The following PTPRT variants were observed in gnomAD, a reference collection of about 807,000 sequenced individuals.
PTPRT encodes receptor-type tyrosine-protein phosphatase T.
Under a neutral mutation model 176.8 loss-of-function variants are expected in PTPRT, and 56 were observed. The observed-to-expected ratio is 0.32, with a 90% CI of 0.26 to 0.40. The LOEUF (loss-of-function observed/expected upper bound fraction) is 0.40, where lower values mean the gene tolerates loss of function less well. PTPRT is among the 10% of genes least tolerant of loss of function. PTPRT has a pLI of 1.00. For missense variants in PTPRT, 1,540 were observed against 1,908.2 expected (o/e 0.81, Z 3.60); for synonymous variants, 783 against 739.0 (o/e 1.06, Z -0.96).
intron 3 of PTPRT, among the ~76,000 whole-genome samples, chr20:42,780,865 T>C (rs971178496): frequency 1.3e-5 from 2 of 152,118 alleles, no homozygotes; most frequent in Non-Finnish European, 2.9e-5. Flanking sequence ...AACTGCTATT[T>C]CCATAAAAAT....
chr20:42,438,262 A>G (rs77353996), intron 9 of PTPRT, among the ~76,000 whole-genome samples: 34 of 152,320 alleles, frequency 2.2e-4, no homozygotes, highest in East Asian at 1.2e-3. Flanking sequence ...ATAGGATTCA[A>G]TTTAACCGGG....
At chr20:42,494,055 A>G (rs1469922686) in intron 7 of PTPRT, among the ~76,000 whole-genome samples, 5 of 152,240 alleles carry the variant, frequency 3.3e-5, no homozygotes, top group African/African-American at 1.2e-4. Flanking sequence ...AAATATGAAG[A>G]TAGGGGCTTT....
intron 7 of PTPRT, among the ~76,000 whole-genome samples, chr20:42,655,361 C>T (rs2075106409): frequency 6.6e-6 from 1 of 152,070 alleles, no homozygotes; most frequent in Non-Finnish European, 1.5e-5. Flanking sequence ...CATGGTAGTG[C>T]ACCCCTGTAA....
chr20:42,270,146 G>T (rs542988279), intron 13 of PTPRT, among the ~76,000 whole-genome samples: 110 of 152,156 alleles, frequency 7.2e-4, no homozygotes, highest in African/African-American at 2.6e-3. Context: ...AACAGTGCCT[G>T]GCACCCAGTA....
intron 7 of PTPRT, among the ~76,000 whole-genome samples, chr20:42,562,003 G>A (rs138930223): frequency 1.1e-3 from 170 of 152,194 alleles, no homozygotes; most frequent in African/African-American, 3.9e-3. Flanking sequence ...GTTGAAATCA[G>A]GCAGCCTTGG....
chr20:42,865,939 C>T (rs1258720106), intron 2 of PTPRT, among the ~76,000 whole-genome samples: 1 of 152,130 alleles, frequency 6.6e-6, no homozygotes, highest in Non-Finnish European at 1.5e-5. Context: ...GAGTTCTGCT[C>T]TCTCCCCTCT....
At chr20:42,170,277 A>G (rs1990022036) in intron 16 of PTPRT, among the ~76,000 whole-genome samples, 1 of 152,208 alleles carries the variant, frequency 6.6e-6, no homozygotes, top group African/African-American at 2.4e-5. Flanking sequence ...TAATACATTA[A>G]CTTGCTGCTT....
chr20:42,987,719 T>C (rs191756500), intron 1 of PTPRT, among the ~76,000 whole-genome samples: 7 of 147,946 alleles, frequency 4.7e-5, no homozygotes, highest in Non-Finnish European at 1.5e-5. Context: ...CTCCAAGCCA[T>C]CATCCCTGAC....
chr20:42,353,706 T>A (rs1245301216), intron 9 of PTPRT, among the ~76,000 whole-genome samples: 3 of 152,224 alleles, frequency 2.0e-5, no homozygotes, highest in Non-Finnish European at 4.4e-5. Flanking sequence ...AGTTGTGAAG[T>A]GGCAAACACA....
chr20:42,911,607 C>T (rs537631334), intron 1 of PTPRT, among the ~76,000 whole-genome samples: 18 of 152,220 alleles, frequency 1.2e-4, no homozygotes, highest in South Asian at 4.1e-4. Flanking sequence ...AATCTATGCA[C>T]ATGAATCTGT....
Position 42,537,084 on chromosome 20 carries a change from G to A in PTPRT, c.1154-64522C>T, listed in dbSNP as rs190319885. On this transcript the variant is annotated intron_variant, in intron 7 of 30. Transcript: ENST00000373187. ...AAATTTCTCTAAGAAGTAGAGACAA[G>A]TGGAAAAAAAAAACCCTAAGTTTTA... 3.3e-3 allele frequency among the ~76,000 whole-genome samples: 499 copies of A among 151,582 alleles called. 1 individual carries two copies. Among genetic ancestry groups the A allele is most frequent in the African/African-American group, 0.012 (484 of 41,378 alleles).
intron 16 of PTPRT, among the ~76,000 whole-genome samples, chr20:42,169,435 T>A (rs1989979123): frequency 6.6e-6 from 1 of 152,044 alleles, no homozygotes; most frequent in Non-Finnish European, 1.5e-5. Context: ...ATGGGGGCTA[T>A]AAACATCCAT....
chr20:42,434,822 AAGCATG>A (rs1486278165), intron 9 of PTPRT, among the ~76,000 whole-genome samples: 3 of 151,030 alleles, frequency 2.0e-5, no homozygotes, highest in Non-Finnish European at 4.4e-5. Flanking sequence ...AAAAATAGCC[AAGCATG>A]GTGGCATGTG....
intron 16 of PTPRT, among the ~76,000 whole-genome samples, chr20:42,162,087 G>A (rs1224497041): frequency 3.3e-5 from 5 of 151,976 alleles, no homozygotes; most frequent in Admixed American, 6.6e-5. Flanking sequence ...GGCTAGTCTT[G>A]GACTGCCAGA....
chr20:42,072,471 A>C (rs75424049), downstream of PTPRT, among the ~76,000 whole-genome samples: 1,066 of 152,332 alleles, frequency 7.0e-3, 15 homozygotes, highest in African/African-American at 0.024. Flanking sequence ...CTGTATGTTT[A>C]ACAAAGTTCC....
At chr20:42,852,077 T>C (rs1018352740) in intron 2 of PTPRT, among the ~76,000 whole-genome samples, 2 of 152,226 alleles carry the variant, frequency 1.3e-5, no homozygotes, top group African/African-American at 4.8e-5. Context: ...TAAGTTATTT[T>C]ATAACTCTCT....
In PTPRT at chr20:42,591,646, C is replaced by T. The variant is rs541683893; in HGVS notation, c.1153+86220G>A. Among the ~76,000 whole-genome samples the T allele has an allele frequency of 3.3e-5, 5 of 152,270 alleles. No homozygotes were observed. The South Asian group carries it at 8.3e-4, about 25-fold the overall frequency. On this transcript the variant is annotated intron_variant, in intron 7 of 30. Coordinates refer to ENST00000373187, the MANE Select transcript of PTPRT (RefSeq NM_007050.6). ...CACCACTTTCAAGGTAATACATTGA[C>T]GCAGTGATCAAGACTGCCAGGCAAG... is the stretch of plus-strand genomic sequence containing the variant.
At chr20:42,511,499 C>T (rs2145456346) in intron 7 of PTPRT, among the ~76,000 whole-genome samples, 1 of 150,614 alleles carries the variant, frequency 6.6e-6, no homozygotes, top group East Asian at 2.0e-4. Context: ...TAGTACTCAT[C>T]GTTTGTGGAC....
chr20:42,607,048 T>G (rs1555161), intron 7 of PTPRT, among the ~76,000 whole-genome samples: 1 of 152,104 alleles, frequency 6.6e-6, no homozygotes, highest in Admixed American at 6.5e-5. Context: ...CACATGCTAC[T>G]ACATAGATTA....
Sources: gnomAD v4.1 joint callset for allele counts (sites outside exome capture counted in the v4.1 genomes callset) on GRCh38, gnomAD v4.1.1 for gene constraint, MANE v1.5 for transcripts, NCBI Gene and HGNC (gene_info 2026-07-23, HGNC 2026-07-21) for gene names.